Variants in GRM8 observed in about 807,000 individuals in gnomAD.
The protein encoded by GRM8 is glutamate metabotropic receptor 8.
GRM8 carries 47 observed loss-of-function variants against 87.2 expected under a neutral mutation model. The ratio of observed to expected loss-of-function variants is 0.54; its 90% confidence interval spans 0.43 to 0.69. The LOEUF (loss-of-function observed/expected upper bound fraction) is 0.69. Among genes scored for constraint, GRM8 ranks in the 30% least tolerant of loss-of-function variants. The probability of loss-of-function intolerance (pLI) is 0.00; values close to 1 mark genes in which losing one functional copy is unlikely to be tolerated. For synonymous variants in GRM8, 396 were observed against 404.5 expected, an observed-to-expected ratio of 0.98 and a Z score of 0.25; for missense variants, 1,019 against 1,139.2, an observed-to-expected ratio of 0.89 and a Z score of 1.52.
At chr7:127,178,537 A>T (rs796605221) in intron 2 of GRM8, among the ~76,000 whole-genome samples, 7 of 152,324 alleles carry the variant, frequency 4.6e-5, no homozygotes, top group African/African-American at 1.7e-4. Context: ...ATCTTTGCCT[A>T]GGCACATTGT....
chr7:127,179,492 A>C (rs1240564285), intron 2 of GRM8, among the ~76,000 whole-genome samples: 3 of 152,194 alleles, frequency 2.0e-5, no homozygotes, highest in African/African-American at 7.2e-5. Flanking sequence ...ACCTTGGAAC[A>C]AATAGACCTA....
At chr7:126,955,816 G>A (rs1808617258) in intron 3 of GRM8, among the ~76,000 whole-genome samples, 1 of 152,082 alleles carries the variant, frequency 6.6e-6, no homozygotes, top group Non-Finnish European at 1.5e-5. Context: ...GATCTCGATA[G>A]GAGTTTTTTT....
intron 2 of GRM8, among the ~76,000 whole-genome samples, chr7:127,115,767 C>T (rs1166817488): frequency 3.3e-5 from 5 of 152,092 alleles, no homozygotes; most frequent in Non-Finnish European, 5.9e-5. Context: ...ATTTTTAAGC[C>T]TAACTACCCT....
At chr7:126,440,669 G>T (rs1801369789) in intron 10 of GRM8, among the ~76,000 whole-genome samples, 1 of 152,018 alleles carries the variant, frequency 6.6e-6, no homozygotes, top group South Asian at 2.1e-4. Flanking sequence ...ACAGTAACAT[G>T]CTGTACAGGT....
intron 10 of GRM8, among the ~76,000 whole-genome samples, chr7:126,441,709 C>T (rs1196385942): frequency 2.0e-5 from 3 of 152,044 alleles, no homozygotes; most frequent in Non-Finnish European, 2.9e-5. Context: ...CTCATTCCAT[C>T]TTAGTGACAC....
intron 3 of GRM8, among the ~76,000 whole-genome samples, chr7:127,026,690 G>A (rs75001179): frequency 0.25 from 38,674 of 151,828 alleles, 5,806 homozygotes; most frequent in Non-Finnish European, 0.35. Flanking sequence ...ACTTTTTGAT[G>A]GTTTTTTCTT....
intron 7 of GRM8, among the ~76,000 whole-genome samples, chr7:126,609,856 A>T (rs1418329591): frequency 6.6e-6 from 1 of 152,242 alleles, no homozygotes; most frequent in Admixed American, 6.5e-5. Context: ...TTGAAGCATG[A>T]CAGCTATTGT....
intron 6 of GRM8, among the ~76,000 whole-genome samples, chr7:126,813,357 T>C (rs1264112118): frequency 6.6e-6 from 1 of 152,032 alleles, no homozygotes; most frequent in Non-Finnish European, 1.5e-5. Flanking sequence ...AAAAAGGCCG[T>C]TATGAAATAT....
At chr7:127,243,639 G>GA in intron 1 of GRM8, 124 bp from the exon 2 acceptor site, 1 of 160,008 alleles carries the variant, frequency 6.2e-6, no homozygotes, top group Non-Finnish European at 1.4e-5. Context: ...AATTCTTTTT[G>GA]TCCCCCTGTG....
At chr7:126,971,266 G>C (rs534001134) in intron 3 of GRM8, among the ~76,000 whole-genome samples, 1 of 150,636 alleles carries the variant, frequency 6.6e-6, no homozygotes, top group East Asian at 2.0e-4. Flanking sequence ...ACAATTTTTA[G>C]AGATCCAGGC....
chr7:126,937,106 C>T (rs1806416144), intron 3 of GRM8, among the ~76,000 whole-genome samples: 1 of 152,150 alleles, frequency 6.6e-6, no homozygotes, highest in Admixed American at 6.5e-5. Flanking sequence ...CAAGGTAAGA[C>T]TGTTGCTCAG....
chr7:127,095,428 T>A (rs542438496), intron 3 of GRM8, among the ~76,000 whole-genome samples: 1 of 152,104 alleles, frequency 6.6e-6, no homozygotes, highest in African/African-American at 2.4e-5. Context: ...TAGTGTCAGG[T>A]AAAGCCACAC....
At chr7:127,169,665 G>C (rs923769253) in intron 2 of GRM8, among the ~76,000 whole-genome samples, 1 of 152,232 alleles carries the variant, frequency 6.6e-6, no homozygotes, top group African/African-American at 2.4e-5. Flanking sequence ...CAAAAGGCAA[G>C]CTGATTCTCT....
chr7:126,675,422 A>T (rs1346509094), intron 7 of GRM8, among the ~76,000 whole-genome samples: 1 of 152,148 alleles, frequency 6.6e-6, no homozygotes, highest in African/African-American at 2.4e-5. Flanking sequence ...CTAAGCCAGG[A>T]AAGGAAATAA....
chr7:126,700,074 A>C lies in GRM8; in HGVS notation c.1357+69791T>G, dbSNP rs147587325. On this transcript the variant is annotated intron_variant, in intron 7 of 10. Transcript: ENST00000339582. ...ACCAAGGCACACACACTGTTCAGAT[A>C]GTTCATAGGGTTATTTTAATCACTG... Among the ~76,000 whole-genome samples, 789 of 152,308 alleles carry C rather than the reference A, an allele frequency of 5.2e-3. 7 individuals are homozygous for C. Among genetic ancestry groups the C allele is most frequent in the African/African-American group, 0.018 (733 of 41,556 alleles).
chr7:126,817,430 A>G (rs563195225), intron 6 of GRM8, among the ~76,000 whole-genome samples: 1 of 152,278 alleles, frequency 6.6e-6, no homozygotes, highest in African/African-American at 2.4e-5. Flanking sequence ...GCTTCACTTA[A>G]TCAATGTCAT....
chr7:126,945,289 T>C (rs1807411743), intron 3 of GRM8, among the ~76,000 whole-genome samples: 1 of 152,176 alleles, frequency 6.6e-6, no homozygotes, highest in African/African-American at 2.4e-5. Context: ...AAAAGGAAAA[T>C]CTCTATGTTA....
At position 126,439,155 on chromosome 7, in the gene GRM8, C is replaced by A. The variant is rs1801161896; in HGVS notation, c.2691G>T (p.Lys897Asn). ...ESLETNTSST[K>N]TTYISYSNHS... ...GATTGCTGTAACTGATATATGTTGT[C>A]TTGGTAGAGGAAGCTGTTAAGATAA... Residue 897 changes from lysine to asparagine, a missense_variant, in exon 11 of 11, where the codon AAG becomes AAT. Physicochemically the swap from Lys to Asn is moderately conservative, Grantham distance 94 (BLOSUM62 0). Coordinates refer to ENST00000339582, the MANE Select transcript of GRM8 (RefSeq NM_000845.3). 6.4e-7 allele frequency: 1 copy of A among 1,559,176 alleles called. No individual in the cohort carries two copies.
intron 2 of GRM8, among the ~76,000 whole-genome samples, chr7:127,134,550 T>G (rs1172337931): frequency 6.6e-6 from 1 of 152,152 alleles, no homozygotes; most frequent in Non-Finnish European, 1.5e-5. Context: ...ATATCAATTG[T>G]AAAGATGGTC....
Sources: allele counts gnomAD v4.1 joint callset (sites outside exome capture counted in the v4.1 genomes callset), GRCh38; gene constraint gnomAD v4.1.1; transcripts MANE v1.5; gene names NCBI Gene and HGNC (gene_info 2026-07-23, HGNC 2026-07-21).